Variants in LIMCH1 observed in about 807,000 individuals in gnomAD.
LIMCH1 encodes LIM and calponin homology domains 1.
LIMCH1 carries 113 observed loss-of-function variants against 176.5 expected under a neutral mutation model. The ratio of observed to expected loss-of-function variants is 0.64; its 90% CI spans 0.55 to 0.75. The LOEUF (loss-of-function observed/expected upper bound fraction) is 0.75. LIMCH1 is among the 30% of genes least tolerant of loss of function. The pLI is 0.00. For missense variants in LIMCH1, 1,674 were observed against 1,814.9 expected (o/e 0.92, Z 1.41); for synonymous variants, 619 against 645.9 (o/e 0.96, Z 0.63).
chr4:41,416,775 T>C (rs909501980), intron 1 of LIMCH1, among the ~76,000 whole-genome samples: 13 of 152,164 alleles, frequency 8.5e-5, no homozygotes, highest in African/African-American at 3.1e-4. Flanking sequence ...GTTTAAATTA[T>C]GTGCTGTTCT....
chr4:41,620,298 T>TA, intron 6 of LIMCH1, 126 bp from the exon 7 acceptor site: 1 of 913,904 alleles, frequency 1.1e-6, no homozygotes, highest in Non-Finnish European at 1.6e-6. Flanking sequence ...TTATCAGGAT[T>TA]ATATTGTGTG....
intron 27 of LIMCH1, among the ~76,000 whole-genome samples, chr4:41,685,386 G>T (rs1022162665): frequency 2.0e-5 from 3 of 152,188 alleles, no homozygotes; most frequent in African/African-American, 7.2e-5. Context: ...GGTGTTTACT[G>T]TGTTTTAGAA....
chr4:41,697,436 T>C lies in LIMCH1; in HGVS notation c.*251T>C, dbSNP rs1731470765. On this transcript the variant is annotated 3_prime_UTR_variant, in exon 32 of 32. Transcript: ENST00000503057. ...AATATGGGGTTGTAATGATCCTGAA[T>C]AGCTCAAAAAAGGTTTTAGCATGGT... The C allele has an allele frequency of 1.8e-5, 8 of 433,706 alleles. No homozygotes were observed. The highest frequency in any genetic ancestry group is 3.3e-5 in the Non-Finnish European group (8 of 245,202). The allele number at this position is 433,706 out of a possible 1,614,324, so 26.9% of individuals were successfully genotyped here.
intron 1 of LIMCH1, among the ~76,000 whole-genome samples, chr4:41,407,732 G>T (rs1581677891): frequency 6.6e-6 from 1 of 152,264 alleles, no homozygotes; most frequent in East Asian, 1.9e-4. Flanking sequence ...GCCCCTTCCT[G>T]CCTGCTTCTC....
chr4:41,449,893 A>G (rs2063678925), intron 1 of LIMCH1, among the ~76,000 whole-genome samples: 1 of 152,174 alleles, frequency 6.6e-6, no homozygotes, highest in African/African-American at 2.4e-5. Flanking sequence ...GTGGGGAAGG[A>G]TCTGTGCCAG....
At chr4:41,631,575 C>T in intron 10 of LIMCH1, 98 bp downstream of exon 10, 1 of 1,036,936 alleles carries the variant, frequency 9.6e-7, no homozygotes, top group East Asian at 2.6e-5. Context: ...CTAGAGATGA[C>T]ATAGTTTTAA....
intron 29 of LIMCH1, 41 bp downstream of exon 29, chr4:41,687,958 T>G: frequency 6.7e-7 from 1 of 1,481,788 alleles, no homozygotes; most frequent in Non-Finnish European, 9.4e-7. Flanking sequence ...TGCTTTGTTA[T>G]GACTAGAGCT....
At chr4:41,660,531 A>C (rs1384691705) in intron 18 of LIMCH1, among the ~76,000 whole-genome samples, 1 of 152,232 alleles carries the variant, frequency 6.6e-6, no homozygotes, top group Non-Finnish European at 1.5e-5. Context: ...GATTGATATG[A>C]AAACTAGTAT....
intron 1 of LIMCH1, among the ~76,000 whole-genome samples, chr4:41,549,114 TC>T (rs147670620): frequency 0.012 from 1,775 of 152,160 alleles, 51 homozygotes; most frequent in African/African-American, 0.041. Flanking sequence ...GGTCTCAAAC[TC>T]CCAGACTCCA....
chr4:41,611,527 A>G (rs1025756554), intron 4 of LIMCH1, among the ~76,000 whole-genome samples: 4 of 152,242 alleles, frequency 2.6e-5, no homozygotes, highest in African/African-American at 4.8e-5. Context: ...AAGATGATCA[A>G]ATATTTTCAG....
At chr4:41,491,544 G>A (rs1290736342) in intron 1 of LIMCH1, among the ~76,000 whole-genome samples, 27 of 150,364 alleles carry the variant, frequency 1.8e-4, no homozygotes, top group African/African-American at 4.9e-4. Flanking sequence ...CTGGGCGGCC[G>A]GGTAGAGGCG....
Position 41,441,299 on chromosome 4 carries a change from T to C in LIMCH1, c.97-53237T>C, listed in dbSNP as rs556079315. On this transcript the variant is annotated intron_variant, in intron 1 of 26. Coordinates refer to the LIMCH1 transcript ENST00000313860. ...TATAATTTAAATCTATTAGCAATGT[T>C]TTAAGCAAAGATCTAATTAATGTAT... Among the ~76,000 whole-genome samples, 3 of 152,370 alleles carry C rather than the reference T, an allele frequency of 2.0e-5. No homozygotes were observed. The South Asian group carries it at 6.2e-4, about 32-fold the overall frequency.
chr4:41,432,427 T>C (rs1247552148), intron 1 of LIMCH1, among the ~76,000 whole-genome samples: 16 of 152,220 alleles, frequency 1.1e-4, no homozygotes, highest in Non-Finnish European at 2.1e-4. Flanking sequence ...AGGTGGCCCC[T>C]GATCTGCATC....
At chr4:41,579,284 G>T (rs1367206418) in intron 1 of LIMCH1, among the ~76,000 whole-genome samples, 3 of 152,120 alleles carry the variant, frequency 2.0e-5, no homozygotes, top group Non-Finnish European at 4.4e-5. Flanking sequence ...TAAGAGTCTG[G>T]CCTAGTCATT....
chr4:41,588,015 A>C (rs1237897625), intron 1 of LIMCH1, among the ~76,000 whole-genome samples: 1 of 152,078 alleles, frequency 6.6e-6, no homozygotes, highest in Non-Finnish European at 1.5e-5. Context: ...TACATGTGCC[A>C]TGCTGGTGTG....
intron 14 of LIMCH1, among the ~76,000 whole-genome samples, chr4:41,640,157 G>A (rs976735156): frequency 3.3e-5 from 5 of 152,334 alleles, no homozygotes; most frequent in Non-Finnish European, 5.9e-5. Context: ...TTCAGCCTGA[G>A]CTTGACTGAC....
chr4:41,676,284 T>A (rs2095215821), intron 22 of LIMCH1, 98 bp from the exon 23 acceptor site: 1 of 823,410 alleles, frequency 1.2e-6, no homozygotes, highest in South Asian at 1.6e-5. Context: ...TGTGTGTCAA[T>A]CTGGGTGCCA....
intron 1 of LIMCH1, among the ~76,000 whole-genome samples, chr4:41,595,508 C>T (rs540326155): frequency 3.5e-4 from 53 of 152,282 alleles, no homozygotes; most frequent in African/African-American, 1.3e-3. Flanking sequence ...CTCAACTACT[C>T]CTCTAGAAAA....
chr4:41,661,631 G>C (rs2094623846), intron 19 of LIMCH1, 121 bp downstream of exon 19: 1 of 744,874 alleles, frequency 1.3e-6, no homozygotes, highest in Admixed American at 2.5e-5. Context: ...TCCAGGAGTG[G>C]TGCGGTTGTG....
Sources: allele counts gnomAD v4.1 joint callset (sites outside exome capture counted in the v4.1 genomes callset), GRCh38; gene constraint gnomAD v4.1.1; transcripts MANE v1.5; gene names NCBI Gene and HGNC (gene_info 2026-07-23, HGNC 2026-07-21).